The following LDAH variants were observed in gnomAD, a reference collection of about 807,000 sequenced individuals.
The protein encoded by LDAH is lipid droplet associated hydrolase.
LDAH carries 26 observed loss-of-function variants against 29.6 expected under a neutral mutation model. The ratio of observed to expected loss-of-function variants is 0.88; its 90% CI spans 0.64 to 1.22. The LOEUF (loss-of-function observed/expected upper bound fraction) is 1.22, where lower values mean the gene tolerates loss of function less well. Ranked by LOEUF, LDAH falls within the 50% of genes most tolerant of loss-of-function variation. The pLI is 0.00. For missense variants in LDAH, 344 were observed against 387.3 expected (o/e 0.89, Z 0.94); for synonymous variants, 117 against 133.0 (o/e 0.88, Z 0.83).
At position 20,684,736 on chromosome 2, in the gene LDAH, C is replaced by A; in HGVS notation, c.*2167G>T. 1.2e-6 allele frequency: 1 copy of A among 843,090 alleles called. No individual in the cohort carries two copies. Among genetic ancestry groups the A allele is most frequent in the Non-Finnish European group, 1.8e-6 (1 of 561,384 alleles). The allele number at this position is 843,090 out of a possible 1,614,324, so 52.2% of individuals were successfully genotyped here. A position where few individuals can be genotyped will look rare whatever the true frequency, so the allele number is the denominator to read the frequency against. On this transcript the variant is annotated 3_prime_UTR_variant, in exon 7 of 7. Coordinates refer to ENST00000237822, the MANE Select transcript of LDAH (RefSeq NM_021925.4). ...GGAACAAACACGGGTGTGGTCAAAG[C>A]TCAATCGCTGAGCACTCGGTAACTC...
At chr2:20,729,721 C>T (rs1311123839) in intron 5 of LDAH, among the ~76,000 whole-genome samples, 1 of 152,132 alleles carries the variant, frequency 6.6e-6, no homozygotes, top group Non-Finnish European at 1.5e-5. Flanking sequence ...TAGAGAAATC[C>T]ATGTACCTTT....
At chr2:20,801,487 G>A (rs772214069) in intron 1 of LDAH, 22 bp from the exon 2 acceptor site, 47 of 1,599,476 alleles carry the variant, frequency 2.9e-5, no homozygotes, top group Non-Finnish European at 3.9e-5. Flanking sequence ...GAGAAAAGTA[G>A]TATGAAGAGT....
rs752277384 is a variant in LDAH, at chr2:20,790,266, G to A, written c.287C>T (p.Thr96Ile). 1 of 1,614,072 alleles carries A rather than the reference G, an allele frequency of 6.2e-7. No homozygotes were observed. Among genetic ancestry groups the A allele is most frequent in the East Asian group, 2.2e-5 (1 of 44,876 alleles). Residue 96 changes from threonine to isoleucine, a missense_variant, in exon 3 of 7, where the codon ACA becomes ATA. Physicochemically the swap from Thr to Ile is moderately conservative, Grantham distance 89. Coordinates refer to ENST00000237822, the MANE Select transcript of LDAH (RefSeq NM_021925.4). Reference protein sequence around the residue: ...ALAPKDKKILTTSEDSNAQEI... With the variant: ...ALAPKDKKILITSEDSNAQEI... ...TAACAAGGACATACCCTCTGATGTT[G>A]TAAGAATCTTCTTGTCTTTGGGAGC...
chr2:20,701,153 C>T (rs73919644), intron 6 of LDAH, among the ~76,000 whole-genome samples: 1 of 152,298 alleles, frequency 6.6e-6, no homozygotes, highest in Non-Finnish European at 1.5e-5. Flanking sequence ...CAGAGCAGGA[C>T]ATTCCTACTC....
intron 5 of LDAH, among the ~76,000 whole-genome samples, chr2:20,716,866 G>A (rs376432390): frequency 2.1e-5 from 2 of 96,254 alleles, no homozygotes; most frequent in Non-Finnish European, 5.0e-5. Context: ...TTTTTTCCCA[G>A]AGCCTCCAGA....
chr2:20,777,385 A>G (rs755078440), intron 3 of LDAH, among the ~76,000 whole-genome samples: 15 of 152,222 alleles, frequency 9.9e-5, no homozygotes, highest in African/African-American at 3.6e-4. Context: ...AAAAATGTAC[A>G]ATGACTGAAA....
chr2:20,774,224 T>C (rs1253334993), intron 4 of LDAH, among the ~76,000 whole-genome samples: 1 of 152,214 alleles, frequency 6.6e-6, no homozygotes, highest in Non-Finnish European at 1.5e-5. Context: ...TTTAAATAGG[T>C]CTTTGCGTCT....
chr2:20,707,372 G>A (rs1483247689), intron 5 of LDAH, among the ~76,000 whole-genome samples: 1 of 152,204 alleles, frequency 6.6e-6, no homozygotes, highest in Non-Finnish European at 1.5e-5. Context: ...TCCCCATGAG[G>A]CCCTGCCTAG....
At chr2:20,735,103 G>C (rs982534347) in intron 5 of LDAH, among the ~76,000 whole-genome samples, 1 of 152,118 alleles carries the variant, frequency 6.6e-6, no homozygotes, top group African/African-American at 2.4e-5. Context: ...TTTTAGTATA[G>C]ATTTCTTTGG....
At chr2:20,699,810 T>C (rs1481879564) in intron 6 of LDAH, among the ~76,000 whole-genome samples, 1 of 152,192 alleles carries the variant, frequency 6.6e-6, no homozygotes, top group African/African-American at 2.4e-5. Context: ...CCTGACATAA[T>C]TACCATGAAC....
chr2:20,719,920 C>T (rs1173776190), intron 5 of LDAH, among the ~76,000 whole-genome samples: 12 of 151,954 alleles, frequency 7.9e-5, no homozygotes, highest in Admixed American at 7.9e-4. Flanking sequence ...ATTCAACATC[C>T]CTCCATAATA....
At chr2:20,790,564 C>T (rs1670878272) in intron 2 of LDAH, among the ~76,000 whole-genome samples, 166 bp from the exon 3 acceptor site, 1 of 152,078 alleles carries the variant, frequency 6.6e-6, no homozygotes, top group African/African-American at 2.4e-5. Flanking sequence ...ACAGCAGTAC[C>T]CTATTTAAAC....
chr2:20,772,466 A>C (rs1177062125), intron 4 of LDAH, among the ~76,000 whole-genome samples: 1 of 152,206 alleles, frequency 6.6e-6, no homozygotes, highest in African/African-American at 2.4e-5. Context: ...TGTACATCCT[A>C]TGTCCATGTT....
chr2:20,756,223 C>CG (rs1446008025), intron 4 of LDAH, among the ~76,000 whole-genome samples: 8 of 152,042 alleles, frequency 5.3e-5, no homozygotes, highest in Admixed American at 5.2e-4. Context: ...TTAGTAGAGA[C>CG]GGGGTTTCAC....
At chr2:20,709,304 A>C (rs1664529413) in intron 5 of LDAH, among the ~76,000 whole-genome samples, 1 of 152,092 alleles carries the variant, frequency 6.6e-6, no homozygotes. Flanking sequence ...GTATATGCAA[A>C]TATTTCCAAA....
intron 3 of LDAH, among the ~76,000 whole-genome samples, chr2:20,776,645 G>A (rs1480414498): frequency 6.6e-6 from 1 of 152,128 alleles, no homozygotes; most frequent in African/African-American, 2.4e-5. Flanking sequence ...GGAAGAGAGA[G>A]AATCTGGAAC....
intron 1 of LDAH, among the ~76,000 whole-genome samples, chr2:20,822,772 G>GGGCTA (rs1673423625): frequency 6.6e-6 from 1 of 152,160 alleles, no homozygotes; most frequent in African/African-American, 2.4e-5. Flanking sequence ...CCCTACAGGT[G>GGGCTA]GGCTACACTT....
chr2:20,716,824 C>T (rs538304603), intron 5 of LDAH, among the ~76,000 whole-genome samples: 1 of 109,230 alleles, frequency 9.2e-6, no homozygotes, highest in East Asian at 3.3e-4. Flanking sequence ...GGATGTCTTG[C>T]CAACAATCTG....
Position 20,781,945 on chromosome 2 carries a change from A to G in LDAH, c.299-6966T>C, listed in dbSNP as rs57557124. Reference sequence around the variant, plus strand: ...TCAATAGTACACAAGCAGGCCAACTAGAGATAAACATATTCAAAGTAAAGT... The same window carrying G: ...TCAATAGTACACAAGCAGGCCAACTGGAGATAAACATATTCAAAGTAAAGT... On this transcript the variant is annotated intron_variant, in intron 3 of 6. Coordinates refer to ENST00000237822, the MANE Select transcript of LDAH (RefSeq NM_021925.4). Among the ~76,000 whole-genome samples, 943 of 152,324 alleles carry G rather than the reference A, an allele frequency of 6.2e-3. 13 individuals carry two copies. Among genetic ancestry groups the G allele is most frequent in the Middle Eastern group, 0.024 (7 of 294 alleles).
Sources: allele counts gnomAD v4.1 joint callset (sites outside exome capture counted in the v4.1 genomes callset), GRCh38; gene constraint gnomAD v4.1.1; transcripts MANE v1.5; gene names NCBI Gene and HGNC (gene_info 2026-07-23, HGNC 2026-07-21).